Variants in GALNT18 observed in about 807,000 individuals in gnomAD.
The protein encoded by GALNT18 is GalNAc-transferase 18.
A neutral mutation model predicts 69.5 loss-of-function variants in GALNT18; 44 were observed. The ratio of observed to expected loss-of-function variants is 0.63; its 90% CI spans 0.50 to 0.81. GALNT18 has a LOEUF of 0.81. Ranked by LOEUF, GALNT18 falls within the 40% of genes least tolerant of loss-of-function variation. The pLI, the probability that GALNT18 is intolerant of heterozygous loss-of-function variation, is 0.00. For missense variants in GALNT18, 715 were observed against 810.0 expected, an observed-to-expected ratio of 0.88 and a Z score of 1.42; for synonymous variants, 364 against 318.2, an observed-to-expected ratio of 1.14 and a Z score of -1.53.
Position 11,314,983 on chromosome 11 carries a change from T to C in GALNT18, c.1512+12103A>G, listed in dbSNP as rs1431538748. ...ATAAGCTGGCAAGGTGGTTTTAAGA[T>C]TACATCAACTGACATACTGAAAGTG... On this transcript the variant is annotated intron_variant, in intron 9 of 10. Coordinates refer to ENST00000227756, the MANE Select transcript of GALNT18 (RefSeq NM_198516.3). The surrounding 1 kb of genome is among the most constrained non-coding windows in gnomAD (Gnocchi z 5.2). 6.6e-6 allele frequency among the ~76,000 whole-genome samples: 1 copy of C among 152,022 alleles called. No individual in the cohort carries two copies. The highest frequency in any genetic ancestry group is 1.9e-4 in the East Asian group (1 of 5,196).
intron 9 of GALNT18, among the ~76,000 whole-genome samples, chr11:11,295,154 G>A (rs566692426): frequency 7.3e-4 from 111 of 152,286 alleles, no homozygotes; most frequent in African/African-American, 2.4e-3. Context: ...GGTCCTTCAC[G>A]GCAGATTCTT....
chr11:11,452,105 A>G (rs1855813712), intron 1 of GALNT18, among the ~76,000 whole-genome samples: 1 of 151,970 alleles, frequency 6.6e-6, no homozygotes, highest in Non-Finnish European at 1.5e-5. Flanking sequence ...CACCCCCAAC[A>G]TTTTCCCGAG....
At chr11:11,599,278 G>A (rs116853073) in intron 1 of GALNT18, among the ~76,000 whole-genome samples, 2,484 of 152,116 alleles carry the variant, frequency 0.016, 30 homozygotes, top group Non-Finnish European at 0.024. Context: ...GTGGTCTGTG[G>A]TTAAGGTGCA....
intron 3 of GALNT18, among the ~76,000 whole-genome samples, chr11:11,418,784 A>G (rs1432876068): frequency 6.6e-6 from 1 of 152,234 alleles, no homozygotes; most frequent in Non-Finnish European, 1.5e-5. Context: ...CTAGCAAAGC[A>G]CTGGACCAGG....
At position 11,382,560 on chromosome 11, in the gene GALNT18, T is replaced by A. The variant is rs1021008768; in HGVS notation, c.596-3296A>T. ...TTGGAGTTGAACTTGTGTTTTTTCT[T>A]ACAGCCAAACACAAGTACCCAGCCC... On this transcript the variant is annotated intron_variant, in intron 3 of 10. Coordinates refer to ENST00000227756, the MANE Select transcript of GALNT18 (RefSeq NM_198516.3). The surrounding 1 kb of genome is among the most constrained non-coding windows in gnomAD (Gnocchi z 4.3). 6.6e-6 allele frequency among the ~76,000 whole-genome samples: 1 copy of A among 152,196 alleles called. No individual in the cohort carries two copies. Among genetic ancestry groups the A allele is most frequent in the Admixed American group, 6.5e-5 (1 of 15,280 alleles).
Position 11,396,136 on chromosome 11 carries a change from G to A in GALNT18, c.596-16872C>T, listed in dbSNP as rs1290900174. ...AGAGTTAGAGAGAAAAGTCTTTAAA[G>A]TCTGGGCAGGAAACCGAGGAACTCG... is the stretch of plus-strand genomic sequence containing the variant. On this transcript the variant is annotated intron_variant, in intron 3 of 10. Transcript: ENST00000227756. This position sits in a 1 kb window ranked among gnomAD's most constrained non-coding sequence, Gnocchi z 5.2. 2.0e-5 allele frequency among the ~76,000 whole-genome samples: 3 copies of A among 152,218 alleles called. No individual in the cohort carries two copies. Among genetic ancestry groups the A allele is most frequent in the African/African-American group, 4.8e-5 (2 of 41,454 alleles).
At chr11:11,512,900 G>A (rs777613106) in intron 1 of GALNT18, among the ~76,000 whole-genome samples, 15 of 152,284 alleles carry the variant, frequency 9.9e-5, no homozygotes, top group South Asian at 2.1e-4. Flanking sequence ...CAGGTGGCCC[G>A]TGTGTGTGAT....
chr11:11,498,923 T>C (rs1002859861), intron 1 of GALNT18, among the ~76,000 whole-genome samples: 4 of 152,260 alleles, frequency 2.6e-5, no homozygotes, highest in Non-Finnish European at 5.9e-5. Context: ...CCCTGGAAGA[T>C]TGTTATATTC....
At chr11:11,329,759 A>G (rs920616542) in intron 8 of GALNT18, among the ~76,000 whole-genome samples, 1 of 152,204 alleles carries the variant, frequency 6.6e-6, no homozygotes, top group East Asian at 1.9e-4. Flanking sequence ...GAGTGGGTAC[A>G]TGAAAAACAT....
intron 9 of GALNT18, among the ~76,000 whole-genome samples, chr11:11,326,367 T>C (rs1285644132): frequency 1.3e-5 from 2 of 152,178 alleles, no homozygotes; most frequent in African/African-American, 4.8e-5. Context: ...TAAATCATTG[T>C]GTACTTCTGG....
rs927144006 is a variant in GALNT18, at chr11:11,372,087, C to A, written c.1092+428G>T. Among the ~76,000 whole-genome samples the A allele has an allele frequency of 6.6e-6, 1 of 152,156 alleles. No homozygotes were observed. The highest frequency in any genetic ancestry group is 2.4e-5 in the African/African-American group (1 of 41,436). On this transcript the variant is annotated intron_variant, in intron 6 of 10. Transcript: ENST00000227756. The surrounding 1 kb of genome is among the most constrained non-coding windows in gnomAD (Gnocchi z 4.9). ...TCTCTGGGCTATCTCTTAACAAAGT[C>A]TTTGGGAATGTTCTATGGGCCACTG...
chr11:11,552,591 A>C (rs990708593), intron 1 of GALNT18, among the ~76,000 whole-genome samples: 2 of 152,158 alleles, frequency 1.3e-5, no homozygotes, highest in Non-Finnish European at 2.9e-5. Flanking sequence ...CCTCAGCCTC[A>C]GAGTTGGAAT....
intron 1 of GALNT18, among the ~76,000 whole-genome samples, chr11:11,473,060 C>T (rs901048069): frequency 2.0e-5 from 3 of 152,122 alleles, no homozygotes; most frequent in Non-Finnish European, 2.9e-5. Context: ...CAGCACCCAC[C>T]TCACTCTGCC....
chr11:11,422,118 G>A (rs1038578), intron 3 of GALNT18, among the ~76,000 whole-genome samples: 13,320 of 152,302 alleles, frequency 0.087, 740 homozygotes, highest in East Asian at 0.21. Flanking sequence ...GCCCAGGCCT[G>A]GGGTCAGGGC....
chr11:11,514,200 C>G (rs1000801648), intron 1 of GALNT18, among the ~76,000 whole-genome samples: 3 of 152,240 alleles, frequency 2.0e-5, no homozygotes, highest in Non-Finnish European at 4.4e-5. Context: ...CTAAGTCACA[C>G]AGGGAGTAAG....
rs1431020216 is a variant in GALNT18, at chr11:11,277,488, G to T, written c.1678-6198C>A. ...ATTGATTGTTTGAAGGGTTTTTCAT[G>T]TCTCTATCTCCTTCAGTTCTGCTCT... On this transcript the variant is annotated intron_variant, in intron 10 of 10. Transcript: ENST00000227756. Among the ~76,000 whole-genome samples, 3 of 152,212 alleles carry T rather than the reference G, an allele frequency of 2.0e-5. No homozygotes were observed. In the East Asian group the frequency reaches 5.8e-4, roughly 29 times the overall value.
At chr11:11,322,617 G>C (rs1056871347) in intron 9 of GALNT18, among the ~76,000 whole-genome samples, 1 of 152,144 alleles carries the variant, frequency 6.6e-6, no homozygotes, top group African/African-American at 2.4e-5. Context: ...CCACTACAAT[G>C]GCTATAATTA....
At chr11:11,333,768 A>T (rs1339691703) in intron 7 of GALNT18, among the ~76,000 whole-genome samples, 1 of 152,082 alleles carries the variant, frequency 6.6e-6, no homozygotes, top group African/African-American at 2.4e-5. Flanking sequence ...CAGGAGTGAG[A>T]AGGCTAGAGA....
intron 9 of GALNT18, among the ~76,000 whole-genome samples, chr11:11,306,229 G>GTGTA (rs1849576217): frequency 6.6e-6 from 1 of 151,872 alleles, no homozygotes; most frequent in East Asian, 1.9e-4. Flanking sequence ...GTGCATGTGT[G>GTGTA]TGTGTATGTG....
Sources: gnomAD v4.1 joint callset for allele counts (sites outside exome capture counted in the v4.1 genomes callset) on GRCh38, gnomAD v4.1.1 for gene constraint, Gnocchi (gnomAD v3.1) non-coding constraint, MANE v1.5 for transcripts, NCBI Gene and HGNC (gene_info 2026-07-23, HGNC 2026-07-21) for gene names.